Variants in MAP7D1 observed in about 807,000 individuals in gnomAD.
MAP7D1 encodes the protein MAP7 domain containing 1.
Under a neutral mutation model 97.5 loss-of-function variants are expected in MAP7D1, and 30 were observed. The ratio of observed to expected loss-of-function variants is 0.31; its 90% CI spans 0.23 to 0.42. MAP7D1 has a LOEUF of 0.42. Among genes scored for constraint, MAP7D1 ranks in the 10% least tolerant of loss-of-function variants. The pLI, the probability that MAP7D1 is intolerant of heterozygous loss-of-function variation, is 1.00. For missense variants in MAP7D1, 1,184 were observed against 1,179.5 expected, an observed-to-expected ratio of 1.00 and a Z score of -0.06; for synonymous variants, 536 against 477.1, an observed-to-expected ratio of 1.12 and a Z score of -1.61.
chr1:36,179,209 G>T, intron 12 of MAP7D1, 53 bp from the exon 13 acceptor site: 1 of 1,602,398 alleles, frequency 6.2e-7, no homozygotes, highest in South Asian at 1.1e-5. Context: ...CTGGTGGGAG[G>T]TTTAGGATTA....
At chr1:36,174,750 G>T in intron 5 of MAP7D1, 148 bp from the exon 6 acceptor site, 1 of 70,924 alleles carries the variant, frequency 1.4e-5, no homozygotes. Flanking sequence ...CCTCTCCCAG[G>T]GCCAAGGCTG....
rs1644377167 is a variant in MAP7D1, at chr1:36,159,198, C to T, written c.46+2735C>T. 6.6e-6 allele frequency among the ~76,000 whole-genome samples: 1 copy of T among 152,122 alleles called. No individual in the cohort carries two copies. Among genetic ancestry groups the T allele is most frequent in the Admixed American group, 6.5e-5 (1 of 15,272 alleles). On this transcript the variant is annotated intron_variant, in intron 1 of 16. Transcript: ENST00000474796. This position sits in a 1 kb window ranked among gnomAD's most constrained non-coding sequence, Gnocchi z 5.4. Reference sequence around the variant, plus strand: ...TCAGCCTCCCGAGTAGCTGGGATTACAGGCGCCTGCCACCGCGCCCGGCTA... The same window carrying T: ...TCAGCCTCCCGAGTAGCTGGGATTATAGGCGCCTGCCACCGCGCCCGGCTA...
intron 1 of MAP7D1, among the ~76,000 whole-genome samples, chr1:36,161,202 T>A (rs1261188622): frequency 2.0e-5 from 3 of 152,198 alleles, no homozygotes. Flanking sequence ...ACTGCCCAAC[T>A]GCTGGAGCAC....
At chr1:36,180,190 A>G (rs986879640) in intron 16 of MAP7D1, 58 bp from the exon 17 acceptor site, 33 of 1,613,394 alleles carry the variant, frequency 2.0e-5, no homozygotes, top group Middle Eastern at 1.7e-4. Context: ...GAAGACCCCC[A>G]GCTATCTGGG....
intron 1 of MAP7D1, among the ~76,000 whole-genome samples, chr1:36,169,791 T>G (rs181357711): frequency 4.6e-5 from 7 of 152,182 alleles, no homozygotes; most frequent in African/African-American, 1.7e-4. Flanking sequence ...CCAGGCACCT[T>G]GCTGACATTC....
Position 36,178,732 on chromosome 1 carries a change from A to G in MAP7D1, c.1934A>G (p.Glu645Gly), listed in dbSNP as rs976924978. 25 of 1,541,726 alleles carry G rather than the reference A, an allele frequency of 1.6e-5. No individual in the cohort carries two copies. The African/African-American group carries it at 3.3e-4, about 20-fold the overall frequency. ...QLAREAEARA[E>G]REAEARRREE... ...GCACGGGAGGCCGAGGCCCGGGCGG[A>G]GCGGGAGGCGGAGGCCCGGAGGCGG... is the stretch of plus-strand genomic sequence containing the variant. The change falls in exon 11 of 17, where the codon GAG becomes GGG. Residue 645 changes from glutamate to glycine, a missense_variant. Glu to Gly is a moderately conservative substitution (Grantham distance 98). Transcript: ENST00000474796.
rs1196772871 is a variant in MAP7D1, at chr1:36,180,273, G to A, written c.*15G>A. 3 of 1,614,058 alleles carry A rather than the reference G, an allele frequency of 1.9e-6. No homozygotes were observed. Among genetic ancestry groups the A allele is most frequent in the Admixed American group, 3.3e-5 (2 of 60,008 alleles). On this transcript the variant is annotated 3_prime_UTR_variant, in exon 17 of 17. Coordinates refer to ENST00000474796, the MANE Select transcript of MAP7D1 (RefSeq NM_001388490.1). ...AAGTCCTTTAAGAGGGTTTGCCTTG[G>A]ATCCGGGCACAGTTGTGAGGGCTCC...
At position 36,174,649 on chromosome 1, in the gene MAP7D1, T is replaced by C. The variant is rs201853868; in HGVS notation, c.740-249T>C. ...CTTGGTCTGGCCAGGAAAGCTGTAG[T>C]TTCTCTAGTTTTACTCATCTCCTCC... is the stretch of plus-strand genomic sequence containing the variant. On this transcript the variant is annotated intron_variant, in intron 5 of 16. Coordinates refer to ENST00000474796, the MANE Select transcript of MAP7D1 (RefSeq NM_001388490.1). Among the ~76,000 whole-genome samples, 4 of 151,990 alleles carry C rather than the reference T, an allele frequency of 2.6e-5. No homozygotes were observed. In the East Asian group the frequency reaches 7.8e-4, roughly 29 times the overall value.
chr1:36,177,740 T>A (rs1447077700), intron 8 of MAP7D1, 133 bp from the exon 9 acceptor site: 3 of 1,308,230 alleles, frequency 2.3e-6, no homozygotes, highest in Non-Finnish European at 2.0e-6. Flanking sequence ...ATGGTGTGTT[T>A]CTGTGAGAGC....
intron 1 of MAP7D1, among the ~76,000 whole-genome samples, chr1:36,169,554 T>A (rs1263722504): frequency 1.4e-5 from 2 of 144,964 alleles, no homozygotes; most frequent in African/African-American, 2.5e-5. Context: ...AGACTCCGTC[T>A]CAAAAAAAAA....
rs1644535108 is a variant in MAP7D1 at position 36,171,029 on chromosome 1, C to T, written c.105C>T (p.Pro35=). The change falls in exon 2 of 17, where the codon CCC becomes CCT. Residue 35 remains proline (P), a synonymous_variant. Transcript: ENST00000474796. ...CTTCTCCAGAAGGTGACCCTTCCCC[C>T]CCACCACCACCAATGTCAGCCCTGG... The part of the protein sequence containing the change: ...PRPSPEGDPS[P]PPPPMSALVP... 1 of 1,569,326 alleles carries T rather than the reference C, an allele frequency of 6.4e-7. No homozygotes were observed. Among genetic ancestry groups the T allele is most frequent in the Non-Finnish European group, 8.7e-7 (1 of 1,146,622 alleles).
chr1:36,170,820 T>C, intron 1 of MAP7D1, 151 bp from the exon 2 acceptor site: 4 of 600,164 alleles, frequency 6.7e-6, no homozygotes, highest in Non-Finnish European at 1.2e-5. Flanking sequence ...CACCATTATA[T>C]CATGAGTATC....
In MAP7D1 at chr1:36,176,468, A is replaced by G. The variant is rs1462180180; in HGVS notation, c.1120A>G (p.Ser374Gly). The change falls in exon 7 of 17, where the codon AGC becomes GGC. Residue 374 changes from serine (S) to glycine (G), a missense_variant. Ser to Gly is a moderately conservative substitution (Grantham distance 56). Transcript: ENST00000474796. This position sits in a 1 kb window ranked among gnomAD's most constrained non-coding sequence, Gnocchi z 6.1. ...CTCCGCCAGCCCCCTGACGCCGTGCAGCGTCACCCGAAGCGTGCACCGCTG... is the reference window on the plus strand; with the variant it reads ...CTCCGCCAGCCCCCTGACGCCGTGCGGCGTCACCCGAAGCGTGCACCGCTG... ...SASASPLTPC[S>G]VTRSVHRCAP... 1 of 1,480,208 alleles carries G rather than the reference A, an allele frequency of 6.8e-7. No individual in the cohort carries two copies. The highest frequency in any genetic ancestry group is 8.9e-7 in the Non-Finnish European group (1 of 1,121,208). The allele number at this position is 1,480,208 out of a possible 1,614,324, so 91.7% of individuals were successfully genotyped here.
intron 8 of MAP7D1, 90 bp from the exon 9 acceptor site, chr1:36,177,783 G>T: frequency 1.3e-6 from 2 of 1,502,606 alleles, no homozygotes; most frequent in East Asian, 2.3e-5. Context: ...ATGTAGCCTG[G>T]GGGAGGGGGC....
intron 3 of MAP7D1, 197 bp downstream of exon 3, chr1:36,171,778 C>T (rs753069491): frequency 4.5e-6 from 2 of 449,052 alleles, no homozygotes; most frequent in Non-Finnish European, 4.1e-6. Context: ...ACTAAAAATA[C>T]AAAAAATTAG....
chr1:36,174,540 G>A (rs1186059649), intron 5 of MAP7D1, among the ~76,000 whole-genome samples: 1 of 152,190 alleles, frequency 6.6e-6, no homozygotes, highest in Admixed American at 6.5e-5. Context: ...GTATCCAAAC[G>A]TCTTGGCTGG....
rs1352659893 is a variant in MAP7D1 at position 36,178,909 on chromosome 1, G to A, written c.2026-12G>A. On this transcript the variant is annotated splice_polypyrimidine_tract_variant and intron_variant, in intron 11 of 16. Coordinates refer to ENST00000474796, the MANE Select transcript of MAP7D1 (RefSeq NM_001388490.1). ...GAGTCAAGTGCCCCACGCTCATGGG[G>A]GTCTTTGGCAGAAAGAGGAGGCCGA... 1.9e-6 allele frequency: 3 copies of A among 1,552,562 alleles called. No individual in the cohort carries two copies. Among genetic ancestry groups the A allele is most frequent in the Admixed American group, 2.0e-5 (1 of 51,118 alleles).
chr1:36,173,712 T>A lies in MAP7D1; in HGVS notation c.739+234T>A, dbSNP rs74721287. Among the ~76,000 whole-genome samples, 2,269 of 152,346 alleles carry A rather than the reference T, an allele frequency of 0.015. 113 individuals are homozygous for A. The East Asian group carries it at 0.18, about 12-fold the overall frequency. ...TGGTTTGCTCTTCAAACCTCTGTCA[T>A]TTTAGGATTAGCCTTCTTTGCGCCT... On this transcript the variant is annotated intron_variant, in intron 5 of 16. Transcript: ENST00000474796.
chr1:36,179,355 C>A (rs1469009515), intron 13 of MAP7D1, 40 bp downstream of exon 13: 4 of 1,610,340 alleles, frequency 2.5e-6, no homozygotes, highest in South Asian at 1.1e-5. Flanking sequence ...GCGTGGGGGG[C>A]AGGGTGTGAA....
Sources: gnomAD v4.1 joint callset for allele counts (sites outside exome capture counted in the v4.1 genomes callset) on GRCh38, gnomAD v4.1.1 for gene constraint, Gnocchi (gnomAD v3.1) non-coding constraint, MANE v1.5 for transcripts, NCBI Gene and HGNC (gene_info 2026-07-23, HGNC 2026-07-21) for gene names.